PTBP2: variants seen among roughly 807,000 people sequenced by gnomAD.
The protein encoded by PTBP2 is polypyrimidine tract binding protein 2, also known as polypyrimidine tract-binding protein 2.
A neutral mutation model predicts 61.4 loss-of-function variants in PTBP2; 13 were observed. That is an observed-to-expected ratio of 0.21 (90% CI 0.14 to 0.34). The LOEUF (loss-of-function observed/expected upper bound fraction) is 0.34. PTBP2 is among the 10% of genes least tolerant of loss of function. The probability of loss-of-function intolerance (pLI) is 1.00; values close to 1 mark genes in which losing one functional copy is unlikely to be tolerated. For synonymous variants in PTBP2, 215 were observed against 218.5 expected (o/e 0.98, Z 0.14); for missense variants, 405 against 642.6 (o/e 0.63, Z 4.00).
At chr1:96,811,056 C>CTT (rs953809460) in intron 11 of PTBP2, among the ~76,000 whole-genome samples, 1 of 142,430 alleles carries the variant, frequency 7.0e-6, no homozygotes, top group Non-Finnish European at 1.5e-5. Flanking sequence ...AGAGTGGACT[C>CTT]TTTTTTTTTT....
At chr1:96,821,082 A>T (rs905890399) in exon 14 of PTBP2, 1 of 152,298 alleles carries the variant, frequency 6.6e-6, no homozygotes, top group African/African-American at 2.4e-5. Flanking sequence ...CATCTGTACA[A>T]TGGAGGTGAT....
chr1:96,820,102 T>A (rs546688821), exon 14 of PTBP2: 1 of 152,130 alleles, frequency 6.6e-6, no homozygotes, highest in East Asian at 1.9e-4. Flanking sequence ...AAACCATTAT[T>A]TTCTCATCTG....
intron 3 of PTBP2, among the ~76,000 whole-genome samples, chr1:96,769,380 TGTGATTGTATTCTTTAGTCATTG>T (rs1362349437): frequency 2.6e-5 from 4 of 152,064 alleles, no homozygotes; most frequent in Non-Finnish European, 5.9e-5. Context: ...GGCACATGAC[TGTGATTGTATTCTTTAGTCATTG>T]GACAGTTTCT....
intron 2 of PTBP2, among the ~76,000 whole-genome samples, chr1:96,735,123 G>T (rs1310745022): frequency 6.6e-6 from 1 of 151,802 alleles, no homozygotes; most frequent in African/African-American, 2.4e-5. Flanking sequence ...TCACCACGTT[G>T]GCCAGGCTGA....
In PTBP2 at chr1:96,813,617, A is replaced by G. The variant is rs1482889566; in HGVS notation, c.*212A>G. 2.4e-5 allele frequency: 8 copies of G among 333,022 alleles called. No individual in the cohort carries two copies. The highest frequency in any genetic ancestry group is 8.2e-4 in the Middle Eastern group (1 of 1,214). 20.6% of individuals were successfully genotyped at this position (333,022 alleles called of 1,614,324 possible). A position where few individuals can be genotyped will look rare whatever the true frequency, so the allele number is the denominator to read the frequency against. ...TTAACTGCTATATTTCATCTGTTCT[A>G]TAGGGAAGCCATTTTGTCTGTTTAA... On this transcript the variant is annotated 3_prime_UTR_variant, in exon 14 of 14. Coordinates refer to ENST00000674951, the MANE Select transcript of PTBP2 (RefSeq NM_021190.4).
intron 2 of PTBP2, among the ~76,000 whole-genome samples, chr1:96,726,511 C>T (rs1428828407): frequency 1.3e-5 from 2 of 150,124 alleles, no homozygotes; most frequent in Non-Finnish European, 3.0e-5. Context: ...GATCTCTGCT[C>T]ACTGCAACCT....
chr1:96,784,456 C>T (rs970489694), intron 7 of PTBP2, among the ~76,000 whole-genome samples: 6 of 152,056 alleles, frequency 3.9e-5, no homozygotes, highest in Admixed American at 1.3e-4. Context: ...CAGAACTTTT[C>T]GGGAATGACA....
intron 8 of PTBP2, among the ~76,000 whole-genome samples, chr1:96,791,826 CTTTTT>C (rs1163642886): frequency 4.5e-5 from 3 of 66,126 alleles, no homozygotes; most frequent in Non-Finnish European, 7.8e-5. Flanking sequence ...TGGAGTTGTG[CTTTTT>C]TTTTTTTTTT....
chr1:96,783,895 C>A lies in PTBP2; in HGVS notation c.709-1164C>A, dbSNP rs1044529330. Among the ~76,000 whole-genome samples the A allele has an allele frequency of 3.9e-5, 6 of 152,166 alleles. No individual in the cohort carries two copies. The East Asian group carries it at 1.2e-3, about 29-fold the overall frequency. On this transcript the variant is annotated intron_variant, in intron 7 of 13. Coordinates refer to ENST00000674951, the MANE Select transcript of PTBP2 (RefSeq NM_021190.4). ...TAATTCAAATCCTGATGTGTATGAA[C>A]TCTCTTTCAGTTTTTACCAGTGCTG...
chr1:96,784,663 T>C (rs1659034602), intron 7 of PTBP2, among the ~76,000 whole-genome samples: 5 of 152,172 alleles, frequency 3.3e-5, no homozygotes, highest in Admixed American at 3.3e-4. Context: ...ATCATATAAG[T>C]ACTGCCATCC....
At chr1:96,792,759 T>A (rs1489693371) in intron 8 of PTBP2, among the ~76,000 whole-genome samples, 1 of 152,204 alleles carries the variant, frequency 6.6e-6, no homozygotes, top group Non-Finnish European at 1.5e-5. Context: ...ATTGAACTTA[T>A]ATTTTTATCT....
At chr1:96,740,858 A>G (rs1339398862) in intron 2 of PTBP2, among the ~76,000 whole-genome samples, 1 of 152,012 alleles carries the variant, frequency 6.6e-6, no homozygotes. Flanking sequence ...ATGAGTTAAT[A>G]TTTGACGAGA....
chr1:96,785,529 A>G (rs540409919), intron 8 of PTBP2, among the ~76,000 whole-genome samples: 90 of 152,312 alleles, frequency 5.9e-4, no homozygotes, highest in African/African-American at 2.1e-3. Flanking sequence ...GAAAAGCTCT[A>G]ATGAAGAAAT....
intron 3 of PTBP2, among the ~76,000 whole-genome samples, chr1:96,755,468 G>A (rs1311406563): frequency 6.6e-6 from 1 of 152,110 alleles, no homozygotes; most frequent in Non-Finnish European, 1.5e-5. Flanking sequence ...CAGGTTATTT[G>A]TCTCCTAAGC....
intron 5 of PTBP2, 73 bp downstream of exon 5, chr1:96,770,924 A>T (rs1303274504): frequency 7.6e-7 from 1 of 1,316,664 alleles, no homozygotes; most frequent in East Asian, 2.3e-5. Context: ...AATAGGAAGG[A>T]AATGTTTACC....
chr1:96,796,552 A>T (rs1263079923), intron 8 of PTBP2, among the ~76,000 whole-genome samples: 1 of 152,174 alleles, frequency 6.6e-6, no homozygotes, highest in Non-Finnish European at 1.5e-5. Flanking sequence ...AACTCTCAAA[A>T]ATGGACTGGA....
chr1:96,729,732 A>ATTTT lies in PTBP2; in HGVS notation c.39+6157_39+6160dup, dbSNP rs748378072. 6.2e-4 allele frequency among the ~76,000 whole-genome samples: 68 copies of ATTTT among 110,428 alleles called. 1 individual carries two copies. Among genetic ancestry groups the ATTTT allele is most frequent in the Non-Finnish European group, 1.1e-3 (61 of 56,512 alleles). 72.4% of individuals were successfully genotyped at this position (110,428 alleles called of 152,430 possible). ...GTGTAGAGTTGTTCATGATACTACT[A>ATTTT]TTTTTTTTTTTTTTTTTTTTTTGAG... On this transcript the variant is annotated intron_variant, in intron 2 of 13. Coordinates refer to ENST00000674951, the MANE Select transcript of PTBP2 (RefSeq NM_021190.4).
chr1:96,758,113 G>C (rs1655371829), intron 3 of PTBP2, among the ~76,000 whole-genome samples: 1 of 151,930 alleles, frequency 6.6e-6, no homozygotes, highest in African/African-American at 2.4e-5. Context: ...AATAAAAGCA[G>C]AGATATATAG....
At chr1:96,801,447 G>C (rs1031049236) in intron 8 of PTBP2, among the ~76,000 whole-genome samples, 2 of 152,236 alleles carry the variant, frequency 1.3e-5, no homozygotes, top group East Asian at 3.9e-4. Context: ...ACAAAGTTTA[G>C]TATTACTTTT....
Sources: allele counts gnomAD v4.1 joint callset (sites outside exome capture counted in the v4.1 genomes callset), GRCh38; gene constraint gnomAD v4.1.1; transcripts MANE v1.5; gene names NCBI Gene and HGNC (gene_info 2026-07-23, HGNC 2026-07-21).